The following WDR7 variants were observed in gnomAD, a reference collection of about 807,000 sequenced individuals.
WDR7 encodes WD repeat-containing protein 7.
A neutral mutation model predicts 169.4 loss-of-function variants in WDR7; 46 were observed. The observed-to-expected ratio is 0.27, with a 90% CI of 0.21 to 0.35. The LOEUF is 0.35. Among genes scored for constraint, WDR7 ranks in the 10% least tolerant of loss-of-function variants. The pLI is 1.00. For missense variants in WDR7, 1,534 were observed against 1,859.3 expected (o/e 0.83, Z 3.22); for synonymous variants, 612 against 666.8 (o/e 0.92, Z 1.27).
At chr18:56,914,615 G>A (rs1453378071) in intron 21 of WDR7, among the ~76,000 whole-genome samples, 5 of 152,054 alleles carry the variant, frequency 3.3e-5, no homozygotes, top group East Asian at 1.9e-4. Flanking sequence ...AGAAGTGTTC[G>A]GACTATTCAA....
At chr18:56,775,695 A>T (rs181579322) in intron 16 of WDR7, among the ~76,000 whole-genome samples, 2 of 152,200 alleles carry the variant, frequency 1.3e-5, no homozygotes, top group East Asian at 3.9e-4. Context: ...GTTATTTTTC[A>T]TGGACTTCTT....
Position 56,817,102 on chromosome 18 carries a change from T to TGGGA in WDR7, c.3304+961_3304+964dup, listed in dbSNP as rs540641583. On this transcript the variant is annotated intron_variant, in intron 20 of 27. Transcript: ENST00000254442. ...GCTCACACCTGTAATCCCAGCACTT[T>TGGGA]GGGAGGCCGAGGTGGGCAGATCACC... is the stretch of plus-strand genomic sequence containing the variant. 5.5e-3 allele frequency among the ~76,000 whole-genome samples: 836 copies of TGGGA among 152,128 alleles called. 10 individuals are homozygous for TGGGA. The highest frequency in any genetic ancestry group is 0.019 in the African/African-American group (792 of 41,490).
intron 26 of WDR7, among the ~76,000 whole-genome samples, chr18:56,969,480 T>C (rs1252453928): frequency 6.6e-6 from 1 of 152,210 alleles, no homozygotes; most frequent in African/African-American, 2.4e-5. Flanking sequence ...CAGAAATATC[T>C]GTTGGATGAT....
chr18:56,851,951 G>A (rs1568231122), intron 20 of WDR7, among the ~76,000 whole-genome samples: 1 of 152,166 alleles, frequency 6.6e-6, no homozygotes, highest in Non-Finnish European at 1.5e-5. Flanking sequence ...AGATAGTGCT[G>A]TTGAAAGGCT....
chr18:56,693,561 G>GTTTTTTTTTT lies in WDR7; in HGVS notation c.967-1056_967-1047dup, dbSNP rs1257964211. On this transcript the variant is annotated intron_variant, in intron 9 of 27. Coordinates refer to ENST00000254442, the MANE Select transcript of WDR7 (RefSeq NM_015285.3). ...CAAGCTTGATAGTTCAATTTTGTTG[G>GTTTTTTTTTT]TTTTTTTTTTTGTTTTTTTTTTTTT... Among the ~76,000 whole-genome samples, 8 of 98,822 alleles carry GTTTTTTTTTT rather than the reference G, an allele frequency of 8.1e-5. 1 individual carries two copies. Among genetic ancestry groups the GTTTTTTTTTT allele is most frequent in the African/African-American group, 6.9e-5 (2 of 29,056 alleles). 64.8% of individuals were successfully genotyped at this position (98,822 alleles called of 152,430 possible). A position where few individuals can be genotyped will look rare whatever the true frequency, so the allele number is the denominator to read the frequency against.
chr18:56,767,801 T>C (rs1160273078), intron 16 of WDR7, among the ~76,000 whole-genome samples: 1 of 152,200 alleles, frequency 6.6e-6, no homozygotes, highest in East Asian at 1.9e-4. Context: ...TTGTTTAATG[T>C]ATTCTTAGTA....
intron 26 of WDR7, among the ~76,000 whole-genome samples, chr18:56,986,748 TAAAAG>T (rs1381732511): frequency 6.6e-6 from 1 of 151,950 alleles, no homozygotes; most frequent in Non-Finnish European, 1.5e-5. Flanking sequence ...AAAATAAAAA[TAAAAG>T]GCATTCCACT....
chr18:56,750,966 A>G (rs2043781609), intron 14 of WDR7, among the ~76,000 whole-genome samples: 1 of 152,088 alleles, frequency 6.6e-6, no homozygotes. Flanking sequence ...AACAGAAATT[A>G]TAGTTTATCT....
chr18:57,009,902 T>A (rs1568312000), intron 26 of WDR7: 5 of 985,314 alleles, frequency 5.1e-6, no homozygotes, highest in East Asian at 2.3e-4. Context: ...CCTGACCTAC[T>A]GCTCTAACCA....
At chr18:57,035,247 A>G in the WDR7 span, 8 of 152,312 alleles carry the variant, frequency 5.3e-5, no homozygotes, top group Non-Finnish European at 1.2e-4. Flanking sequence ...GGTCCTCACC[A>G]ACATGTACCC....
At chr18:56,970,152 A>G (rs1399991947) in intron 26 of WDR7, among the ~76,000 whole-genome samples, 1 of 151,898 alleles carries the variant, frequency 6.6e-6, no homozygotes, top group African/African-American at 2.4e-5. Flanking sequence ...AGCTCACCCT[A>G]TTCTGTTCCC....
At chr18:56,983,189 A>G (rs1326051041) in intron 26 of WDR7, among the ~76,000 whole-genome samples, 1 of 152,194 alleles carries the variant, frequency 6.6e-6, no homozygotes, top group Non-Finnish European at 1.5e-5. Context: ...CGGACTTGTC[A>G]TTGTTAGCAG....
intron 21 of WDR7, among the ~76,000 whole-genome samples, chr18:56,922,878 A>T (rs2046746407): frequency 1.3e-5 from 2 of 152,204 alleles, no homozygotes; most frequent in South Asian, 4.1e-4. Flanking sequence ...ATGTTGTATT[A>T]AAGTTTATAT....
chr18:56,920,040 A>G (rs1213927583), intron 21 of WDR7, among the ~76,000 whole-genome samples: 2 of 151,842 alleles, frequency 1.3e-5, no homozygotes, highest in African/African-American at 4.8e-5. Flanking sequence ...GTTACACTTC[A>G]TCCCCCCGCC....
At chr18:56,699,269 G>A (rs2025772969) in intron 12 of WDR7, among the ~76,000 whole-genome samples, 1 of 152,188 alleles carries the variant, frequency 6.6e-6, no homozygotes, top group African/African-American at 2.4e-5. Flanking sequence ...AGAGTTTGAT[G>A]TTTGCTAAAT....
chr18:56,845,489 G>T (rs969999331), intron 20 of WDR7, among the ~76,000 whole-genome samples: 1 of 152,022 alleles, frequency 6.6e-6, no homozygotes. Context: ...TAATAATGTA[G>T]TTTACGGGGA....
chr18:56,951,629 A>G (rs970682985), intron 25 of WDR7, among the ~76,000 whole-genome samples: 2 of 152,208 alleles, frequency 1.3e-5, no homozygotes, highest in Admixed American at 1.3e-4. Flanking sequence ...CTTAAGATAT[A>G]TACACACGTG....
At chr18:56,845,790 A>G (rs2045557420) in intron 20 of WDR7, among the ~76,000 whole-genome samples, 2 of 152,208 alleles carry the variant, frequency 1.3e-5, no homozygotes, top group South Asian at 4.1e-4. Context: ...TTCTTTCTAA[A>G]AAACTGCATA....
At chr18:56,963,960 A>G (rs993321430) in intron 26 of WDR7, among the ~76,000 whole-genome samples, 2 of 151,746 alleles carry the variant, frequency 1.3e-5, no homozygotes, top group African/African-American at 4.8e-5. Flanking sequence ...GAACAAGGTG[A>G]CCTTGTCAGG....
Sources: allele counts gnomAD v4.1 joint callset (sites outside exome capture counted in the v4.1 genomes callset), GRCh38; gene constraint gnomAD v4.1.1; transcripts MANE v1.5; gene names NCBI Gene and HGNC (gene_info 2026-07-23, HGNC 2026-07-21).